KIAA1614: variants seen among roughly 807,000 people sequenced by gnomAD.
KIAA1614 encodes the protein uncharacterized protein KIAA1614.
Under a neutral mutation model 88.7 loss-of-function variants are expected in KIAA1614, and 76 were observed. That is an observed-to-expected ratio of 0.86 (90% CI 0.71 to 1.04). The LOEUF is 1.04. Ranked by LOEUF, KIAA1614 falls within the 50% of genes least tolerant of loss-of-function variation. KIAA1614 has a pLI of 0.00. For synonymous variants in KIAA1614, 714 were observed against 675.5 expected (o/e 1.06, Z -0.88); for missense variants, 1,553 against 1,582.5 (o/e 0.98, Z 0.32).
At chr1:180,926,275 T>C (rs1297297199) in intron 3 of KIAA1614, among the ~76,000 whole-genome samples, 1 of 152,068 alleles carries the variant, frequency 6.6e-6, no homozygotes, top group Non-Finnish European at 1.5e-5. Flanking sequence ...AAAGACCACC[T>C]TCCCTCCACA....
Position 180,936,169 on chromosome 1 carries a change from A to T in KIAA1614, c.2260A>T (p.Thr754Ser), listed in dbSNP as rs1481786112. The T allele has an allele frequency of 6.2e-7, 1 of 1,614,092 alleles. No individual in the cohort carries two copies. The highest frequency in any genetic ancestry group is 1.1e-5 in the South Asian group (1 of 91,072). The change falls in exon 5 of 9, where the codon ACG (threonine) becomes TCG (serine). Residue 754 changes from threonine (T) to serine (S), a missense_variant. Thr to Ser is a moderately conservative substitution (Grantham distance 58). Coordinates refer to ENST00000367588, the MANE Select transcript of KIAA1614 (RefSeq NM_020950.2). ...RTAYATTAPMTPESSGPGGQA... is the reference protein window; with the variant it reads ...RTAYATTAPMSPESSGPGGQA... ...AGCCTATGCCACCACCGCCCCCATG[A>T]CGCCTGAATCATCGGGGCCAGGAGG...
rs752246384 is a variant in KIAA1614 at position 180,945,457 on chromosome 1, G to C, written c.3442G>C (p.Val1148Leu). 9 of 1,612,706 alleles carry C rather than the reference G, an allele frequency of 5.6e-6. No individual in the cohort carries two copies. Among genetic ancestry groups the C allele is most frequent in the Non-Finnish European group, 6.8e-6 (8 of 1,179,742 alleles). Residue 1148 changes from valine (V) to leucine (L), a missense_variant, in exon 9 of 9, where the codon GTG (valine) becomes CTG (leucine). Coordinates refer to ENST00000367588, the MANE Select transcript of KIAA1614 (RefSeq NM_020950.2). ...CCCAGGGGGCACTTTCGGCTTCTGC[G>C]TGGCCTCTGGGAATGGGCGCCCAGA... ...RSPGGTFGFC[V>L]ASGNGRPDSG...
In KIAA1614 at chr1:180,913,108, C is replaced by A; in HGVS notation, c.-136C>A. ...CTCGGCGCCGTCCCGGACCCCCAGT[C>A]GGCCGCGCCCCGAGGGGCGAGGCCT... On this transcript the variant is annotated 5_prime_UTR_variant, in exon 1 of 9. It introduces an in-frame stop codon into an upstream open reading frame of the 5' UTR. Coordinates refer to ENST00000367588, the MANE Select transcript of KIAA1614 (RefSeq NM_020950.2). The A allele has an allele frequency of 1.8e-6, 1 of 553,780 alleles. No homozygotes were observed. The highest frequency in any genetic ancestry group is 2.7e-6 in the Non-Finnish European group (1 of 373,784). The allele number at this position is 553,780 out of a possible 1,614,324, so 34.3% of individuals were successfully genotyped here.
chr1:180,938,573 T>C lies in KIAA1614; in HGVS notation c.2780T>C (p.Leu927Pro). ...GTTTCAGGAGGACCCCAGGGCTTTC[T>C]TGGCTCAGCAGATGTTGCCACCATC... is the stretch of plus-strand genomic sequence containing the variant. ...NSRDGGPQGF[L>P]GSADVATINS... Residue 927 changes from leucine to proline, a missense_variant, in exon 6 of 9, where the codon CTT becomes CCT. Coordinates refer to ENST00000367588, the MANE Select transcript of KIAA1614 (RefSeq NM_020950.2). 1.9e-6 allele frequency: 3 copies of C among 1,614,122 alleles called. No individual in the cohort carries two copies. Among genetic ancestry groups the C allele is most frequent in the Non-Finnish European group, 1.7e-6 (2 of 1,179,980 alleles).
At chr1:180,926,507 A>G (rs1187230859) in intron 3 of KIAA1614, among the ~76,000 whole-genome samples, 1 of 150,778 alleles carries the variant, frequency 6.6e-6, no homozygotes, top group Non-Finnish European at 1.5e-5. Flanking sequence ...TAACAGCTCC[A>G]AGAGGAGGGA....
Position 180,950,428 on chromosome 1 carries a change from C to A in KIAA1614, c.*4840C>A. Reference sequence around the variant, plus strand: ...TGGGCGATGAGATCCTCGAGGTGAACGGGGCCAAGGTGGCAGGGCTGGGCT... The same window carrying A: ...TGGGCGATGAGATCCTCGAGGTGAAAGGGGCCAAGGTGGCAGGGCTGGGCT... On this transcript the variant is annotated 3_prime_UTR_variant, in exon 9 of 9. Transcript: ENST00000367588. The A allele has an allele frequency of 8.3e-7, 1 of 1,208,828 alleles. No homozygotes were observed. Among genetic ancestry groups the A allele is most frequent in the Admixed American group, 3.0e-5 (1 of 32,822 alleles). 74.9% of individuals were successfully genotyped at this position (1,208,828 alleles called of 1,614,324 possible).
Position 180,916,331 on chromosome 1 carries a change from G to A in KIAA1614, c.228G>A (p.Gln76=), listed in dbSNP as rs1571281106. The part of the protein sequence containing the change: ...APQPPRVWGV[Q]LQGPSVLESK... ...AGCCTCCCAGGGTATGGGGAGTACA[G>A]CTCCAGGGCCCCTCTGTGCTGGAAT... Residue 76 remains glutamine (Q), a synonymous_variant, in exon 2 of 9, where the codon CAG becomes CAA. Transcript: ENST00000367588. 1 of 1,614,156 alleles carries A rather than the reference G, an allele frequency of 6.2e-7. No homozygotes were observed. The highest frequency in any genetic ancestry group is 1.1e-5 in the South Asian group (1 of 91,086).
chr1:180,926,061 T>C (rs927091593), intron 3 of KIAA1614, among the ~76,000 whole-genome samples: 3 of 152,188 alleles, frequency 2.0e-5, no homozygotes, highest in East Asian at 1.9e-4. Flanking sequence ...TCTGAGCTAA[T>C]GAGCTCCAGA....
intron 4 of KIAA1614, among the ~76,000 whole-genome samples, chr1:180,932,851 T>A (rs1244047247): frequency 2.0e-5 from 3 of 152,176 alleles, no homozygotes; most frequent in Non-Finnish European, 4.4e-5. Flanking sequence ...GCAATTCTCA[T>A]GCCTCAGCCT....
At chr1:180,926,936 T>C in intron 3 of KIAA1614, among the ~76,000 whole-genome samples, 1 of 152,210 alleles carries the variant, frequency 6.6e-6, no homozygotes, top group East Asian at 1.9e-4. Flanking sequence ...AAGCCATGCC[T>C]GGGCCCTGCC....
intron 3 of KIAA1614, chr1:180,928,127 G>C: frequency 3.5e-6 from 1 of 283,922 alleles, no homozygotes; most frequent in South Asian, 1.4e-4. Context: ...GAATAATCTG[G>C]AGACTCTCCT....
intron 4 of KIAA1614, among the ~76,000 whole-genome samples, chr1:180,932,180 A>G (rs1041485315): frequency 2.0e-4 from 30 of 151,972 alleles, no homozygotes; most frequent in Non-Finnish European, 1.6e-4. Flanking sequence ...CATCACCACC[A>G]TAGTTATTAA....
Position 180,941,105 on chromosome 1 carries a change from C to A in KIAA1614, c.2979C>A (p.Asn993Lys). ...CCTCGGCTGCCCCTTTGGACCAGAA[C>A]AAGAAAAGGAGCAGCAGCATAGCCT... ...GSPSAAPLDQ[N>K]KKRSSSIAST... is the part of the protein sequence containing the mutation. The change falls in exon 7 of 9, where the codon AAC becomes AAA. Residue 993 changes from asparagine (N) to lysine (K), a missense_variant. Coordinates refer to ENST00000367588, the MANE Select transcript of KIAA1614 (RefSeq NM_020950.2). 2 of 1,597,012 alleles carry A rather than the reference C, an allele frequency of 1.3e-6. No homozygotes were observed. The highest frequency in any genetic ancestry group is 1.1e-5 in the South Asian group (1 of 90,840).
At chr1:180,926,011 G>A (rs1157385201) in intron 3 of KIAA1614, among the ~76,000 whole-genome samples, 2 of 152,214 alleles carry the variant, frequency 1.3e-5, no homozygotes, top group East Asian at 3.8e-4. Flanking sequence ...GAGGCCCAGG[G>A]AGGAAAAGCA....
chr1:180,916,216 G>A lies in KIAA1614; in HGVS notation c.113G>A (p.Ser38Asn). The stretch of plus-strand genomic sequence containing the variant: ...GAGGGGACCTCAGCTGTGGAGTGGA[G>A]TGGTCCTGAGCCACAGCTGGATAAC... ...PVEGTSAVEW[S>N]GPEPQLDNGH... The change falls in exon 2 of 9, where the codon AGT becomes AAT. Residue 38 changes from serine to asparagine, a missense_variant. Physicochemically the swap from Ser to Asn is conservative, Grantham distance 46 (BLOSUM62 1). Transcript: ENST00000367588. The A allele has an allele frequency of 7.4e-6, 12 of 1,612,100 alleles. No homozygotes were observed. Among genetic ancestry groups the A allele is most frequent in the Non-Finnish European group, 9.3e-6 (11 of 1,179,322 alleles).
Position 180,941,160 on chromosome 1 carries a change from G to A in KIAA1614, c.3034G>A (p.Ala1012Thr), listed in dbSNP as rs182637463. The change falls in exon 7 of 9, where the codon GCC becomes ACC. Residue 1012 changes from alanine to threonine, a missense_variant. Coordinates refer to ENST00000367588, the MANE Select transcript of KIAA1614 (RefSeq NM_020950.2). Reference sequence around the variant, plus strand: ...CCTGGGGCTGAAAAAGCTCTTCTCAGCCCTGGGCCAGAGTTCCCGGCCCAA... The same window carrying A: ...CCTGGGGCTGAAAAAGCTCTTCTCAACCCTGGGCCAGAGTTCCCGGCCCAA... ...STLGLKKLFS[A>T]LGQSSRPKLG... The A allele has an allele frequency of 1.4e-5, 22 of 1,613,782 alleles. No homozygotes were observed. The highest frequency in any genetic ancestry group is 1.7e-5 in the Non-Finnish European group (20 of 1,179,934).
intron 3 of KIAA1614, among the ~76,000 whole-genome samples, chr1:180,923,667 G>A (rs1043620509): frequency 3.9e-5 from 6 of 152,172 alleles, no homozygotes; most frequent in African/African-American, 1.4e-4. Context: ...TGTGTGCAGG[G>A]AAAGGCTCTC....
intron 3 of KIAA1614, chr1:180,928,075 C>G (rs901781346): frequency 5.5e-6 from 1 of 182,124 alleles, no homozygotes; most frequent in Non-Finnish European, 1.1e-5. Context: ...CTCCCTCCTC[C>G]TCCCAGATAG....
intron 3 of KIAA1614, among the ~76,000 whole-genome samples, chr1:180,925,876 G>GC (rs1654056875): frequency 6.6e-6 from 1 of 152,084 alleles, no homozygotes; most frequent in African/African-American, 2.4e-5. Flanking sequence ...CCCAAGGGGG[G>GC]ACCTCGAAAT....
Sources: allele counts gnomAD v4.1 joint callset (sites outside exome capture counted in the v4.1 genomes callset), GRCh38; gene constraint gnomAD v4.1.1; transcripts MANE v1.5; gene names NCBI Gene and HGNC (gene_info 2026-07-23, HGNC 2026-07-21).